SGSH: variants seen among roughly 807,000 people sequenced by gnomAD.
SGSH encodes the protein N-sulfoglucosamine sulfohydrolase, also known as heparan sulfate sulfatase.
SGSH carries 48 observed loss-of-function variants against 51.0 expected under a neutral mutation model. The observed-to-expected ratio is 0.94, with a 90% confidence interval of 0.75 to 1.20. SGSH has a LOEUF of 1.20. Ranked by LOEUF, SGSH falls within the 50% of genes most tolerant of loss-of-function variation. SGSH has a pLI of 0.00. For missense variants in SGSH, 662 were observed against 717.8 expected, an observed-to-expected ratio of 0.92 and a Z score of 0.89; for synonymous variants, 321 against 313.4, an observed-to-expected ratio of 1.02 and a Z score of -0.26.
rs2144736338 is a variant in SGSH, at chr17:80,213,877, G to A, written c.672C>T (p.Tyr224=). Residue 224 remains tyrosine (Y), a synonymous_variant, in exon 6 of 8, where the codon TAC becomes TAT. Coordinates refer to ENST00000326317, the MANE Select transcript of SGSH (RefSeq NM_000199.5). The surrounding 1 kb of genome is among the most constrained non-coding windows in gnomAD (Gnocchi z 4.6). ...GGGCTGCCGGGGTGTTGGGGACGAA[G>A]TAAGGCACCTGGGGCAGGCGGTGGG... ...AYDPLDVLVP[Y]FVPNTPAARA... is the part of the protein sequence containing the mutation. 6.2e-7 allele frequency: 1 copy of A among 1,607,940 alleles called. No individual in the cohort carries two copies. The highest frequency in any genetic ancestry group is 1.1e-5 in the South Asian group (1 of 90,262).
intron 2 of SGSH, among the ~76,000 whole-genome samples, chr17:80,216,024 G>C (rs545709744): frequency 6.6e-6 from 1 of 151,132 alleles, no homozygotes; most frequent in Non-Finnish European, 1.5e-5. Flanking sequence ...ATTGTGCTGA[G>C]TGAAGTAAGG....
rs1479456289 is a variant in SGSH at position 80,215,121 on chromosome 17, G to T, written c.267C>A (p.Tyr89Ter). The T allele has an allele frequency of 1.9e-6, 3 of 1,611,180 alleles. No homozygotes were observed. Among genetic ancestry groups the T allele is most frequent in the Middle Eastern group, 1.6e-4 (1 of 6,062 alleles). ...AGTGGTGCACGTCCTGGTGCAGCCCGTACATCCCATTCTGATGCTGCCAGC... is the reference window on the plus strand; with the variant it reads ...AGTGGTGCACGTCCTGGTGCAGCCCTTACATCCCATTCTGATGCTGCCAGC... Reference protein sequence around the residue: ...TGLPQHQNGMYGLHQDVHHFN... With the variant: ...TGLPQHQNGM The change falls in exon 3 of 8, where the codon TAC becomes TAA. Residue 89 changes from tyrosine (Y) to a stop codon, truncating the protein, a stop_gained. Transcript: ENST00000326317. LOFTEE classifies it high-confidence loss of function.
downstream of SGSH, chr17:80,205,658 G>A: frequency 6.7e-7 from 1 of 1,497,156 alleles, no homozygotes; most frequent in African/African-American, 1.4e-5. Flanking sequence ...AAAAGGTGAG[G>A]TCAAGGGCGG....
Position 80,214,654 on chromosome 17 carries a change from T to C in SGSH, c.467A>G (p.Lys156Arg). The C allele has an allele frequency of 6.2e-7, 1 of 1,613,480 alleles. No homozygotes were observed. The highest frequency in any genetic ancestry group is 8.5e-7 in the Non-Finnish European group (1 of 1,180,014). ...CTGCAGGAATTTCCGGACGAGCAGC[T>C]TAATTCTAGTGATGTTCCGCCCCAC... Reference protein sequence around the residue: ...LQVGRNITRIKLLVRKFLQTQ... With the variant: ...LQVGRNITRIRLLVRKFLQTQ... The change falls in exon 4 of 8, where the codon AAG becomes AGG. Residue 156 changes from lysine (K) to arginine (R), a missense_variant. Physicochemically the swap from Lys to Arg is conservative, Grantham distance 26. Coordinates refer to ENST00000326317, the MANE Select transcript of SGSH (RefSeq NM_000199.5).
chr17:80,209,357 A>AC lies in SGSH; in HGVS notation c.*1094dup. On this transcript the variant is annotated 3_prime_UTR_variant, in exon 8 of 8. Coordinates refer to ENST00000326317, the MANE Select transcript of SGSH (RefSeq NM_000199.5). ...GCTGGCCTGTGGCCTCCTCCAGCCC[A>AC]CCCCAGTATGGAGTGATAGGGAGGG... 1.0e-6 allele frequency: 1 copy of AC among 985,318 alleles called. No individual in the cohort carries two copies. Among genetic ancestry groups the AC allele is most frequent in the Non-Finnish European group, 1.2e-6 (1 of 829,900 alleles). The allele number at this position is 985,318 out of a possible 1,614,324, so 61.0% of individuals were successfully genotyped here. A position where few individuals can be genotyped will look rare whatever the true frequency, so the allele number is the denominator to read the frequency against.
downstream of SGSH, chr17:80,205,117 C>CCGGCCT (rs1346719360): frequency 1.2e-6 from 2 of 1,613,526 alleles, no homozygotes; most frequent in African/African-American, 2.7e-5. Context: ...CCGCCCGGCC[C>CCGGCCT]CGGCCTGTGC....
chr17:80,209,604 G>C lies in SGSH; in HGVS notation c.*848C>G, dbSNP rs709677. The C allele has an allele frequency of 0.66, 607,404 of 924,552 alleles. 199,913 individuals are homozygous for C. The highest frequency in any genetic ancestry group is 0.76 in the African/African-American group (35,068 of 45,878). 57.3% of individuals were successfully genotyped at this position (924,552 alleles called of 1,614,324 possible). On this transcript the variant is annotated 3_prime_UTR_variant, in exon 8 of 8. Transcript: ENST00000326317. ...AGTGTCACCGAAGAATTAACCCAAG[G>C]CAGAGGATGGGCATTGCCACCCAGC...
Position 80,214,337 on chromosome 17 carries a change from GA to G in SGSH, c.507-10del, listed in dbSNP as rs756440573. The G allele has an allele frequency of 6.2e-7, 1 of 1,610,922 alleles. No individual in the cohort carries two copies. Among genetic ancestry groups the G allele is most frequent in the East Asian group, 2.2e-5 (1 of 44,822 alleles). On this transcript the variant is annotated splice_polypyrimidine_tract_variant and intron_variant, in intron 4 of 7. Transcript: ENST00000326317. ...CGTAGAGGAAGAAAGGCCTGCACGG[GA>G]GGAGGCTCATTGCCAAGGCTGCGGG... is the stretch of plus-strand genomic sequence containing the variant.
rs771786259 is a variant in SGSH, at chr17:80,212,052, GAGAC to G, written c.949+15_949+18del. On this transcript the variant is annotated intron_variant, in intron 7 of 7. Transcript: ENST00000326317. This position sits in a 1 kb window ranked among gnomAD's most constrained non-coding sequence, Gnocchi z 5.9. ...ATCCACTCCCACACCTTTCCTGACGGAGACAGACAAAGGCATACCTAGGAGGCTC... is the reference window on the plus strand; with the variant it reads ...ATCCACTCCCACACCTTTCCTGACGGAGACAAAGGCATACCTAGGAGGCTC... The G allele has an allele frequency of 5.6e-6, 9 of 1,609,238 alleles. No homozygotes were observed. The Admixed American group carries it at 1.2e-4, about 21-fold the overall frequency.
downstream of SGSH, chr17:80,205,856 A>G (rs768867012): frequency 1.6e-5 from 8 of 485,266 alleles, no homozygotes; most frequent in African/African-American, 6.0e-5. Flanking sequence ...AGGTCTCCCA[A>G]CTCCTTGAAT....
chr17:80,215,066 G>A lies in SGSH; in HGVS notation c.322C>T (p.Pro108Ser). 1 of 1,611,868 alleles carries A rather than the reference G, an allele frequency of 6.2e-7. No homozygotes were observed. The highest frequency in any genetic ancestry group is 8.5e-7 in the Non-Finnish European group (1 of 1,179,842). ...ACACCAGCTTGGCTGAGCAGCAGCG[G>A]CAGGCTCCGCACCTTGTCGAAGGAG... ...FNSFDKVRSL[P>S]LLLSQAGVRT... Residue 108 changes from proline (P) to serine (S), a missense_variant, in exon 3 of 8, where the codon CCG (proline) becomes TCG (serine). Coordinates refer to ENST00000326317, the MANE Select transcript of SGSH (RefSeq NM_000199.5).
In SGSH at chr17:80,217,098, G is replaced by A. The variant is rs561475181; in HGVS notation, c.183C>T (p.Arg61=). Residue 61 remains arginine, a synonymous_variant, in exon 2 of 8, where the codon CGC becomes CGT. Coordinates refer to ENST00000326317, the MANE Select transcript of SGSH (RefSeq NM_000199.5). The stretch of plus-strand genomic sequence containing the variant: ...AGCTGCTGACCGAGGTGAAGGCATT[G>A]CGAAAGAGGAGGCTGCGGCGGGCCA... ...DALARRSLLF[R]NAFTSVSSCS... The A allele has an allele frequency of 4.4e-6, 7 of 1,604,778 alleles. No homozygotes were observed. The South Asian group carries it at 5.6e-5, about 13-fold the overall frequency.
chr17:80,214,031 C>T (rs769656022), intron 5 of SGSH, 141 bp downstream of exon 5: 2 of 1,335,636 alleles, frequency 1.5e-6, no homozygotes, highest in South Asian at 2.5e-5. Context: ...CTCTCTGTGG[C>T]CCCGAGGTTG....
chr17:80,213,198 A>C lies in SGSH; in HGVS notation c.745+606T>G, dbSNP rs1455229332. The C allele has an allele frequency of 4.6e-5, 7 of 152,232 alleles. No homozygotes were observed. The highest frequency in any genetic ancestry group is 8.8e-5 in the Non-Finnish European group (6 of 68,204). 9.4% of individuals were successfully genotyped at this position (152,232 alleles called of 1,614,324 possible). A position where few individuals can be genotyped will look rare whatever the true frequency, so the allele number is the denominator to read the frequency against. ...GACAGAGCAAGACTCAGTCTCAAAA[A>C]AAAAAAAAAAGAAGAAGTGGAGACA... On this transcript the variant is annotated intron_variant, in intron 6 of 7. Transcript: ENST00000326317. The surrounding 1 kb of genome is among the most constrained non-coding windows in gnomAD (Gnocchi z 4.6).
chr17:80,208,305 A>C (rs767476798), downstream of SGSH: 5 of 1,605,794 alleles, frequency 3.1e-6, no homozygotes, highest in Non-Finnish European at 4.2e-6. Context: ...ATCGCCGACG[A>C]GCAGAAGAAG....
At chr17:80,208,145 C>T (rs1349104273), downstream of SGSH, 3 of 1,542,394 alleles carry the variant, frequency 1.9e-6, no homozygotes, top group South Asian at 3.6e-5. Context: ...CAGGAAGGGC[C>T]TACAGCGGTT....
downstream of SGSH, chr17:80,202,525 G>A (rs1434842764): frequency 1.7e-5 from 26 of 1,508,126 alleles, no homozygotes; most frequent in East Asian, 1.2e-4. Flanking sequence ...GAGGGTGGGC[G>A]TGGTGAGACC....
downstream of SGSH, chr17:80,202,661 G>T: frequency 7.5e-7 from 1 of 1,341,420 alleles, no homozygotes; most frequent in South Asian, 1.6e-5. Context: ...TTAGCTCTGG[G>T]TTTCTTAGCT....
At position 80,214,941 on chromosome 17, in the gene SGSH, A is replaced by G. The variant is rs900372393; in HGVS notation, c.355+92T>C. The G allele has an allele frequency of 1.1e-5, 14 of 1,310,478 alleles. No homozygotes were observed. The Admixed American group carries it at 2.6e-4, about 24-fold the overall frequency. The allele number at this position is 1,310,478 out of a possible 1,614,324, so 81.2% of individuals were successfully genotyped here. A position where few individuals can be genotyped will look rare whatever the true frequency, so the allele number is the denominator to read the frequency against. ...AGCTAAGGGCAGGCCACGGGGGCTGAGCGTGCCTTGGTACAAGGTGCCGAA... is the reference window on the plus strand; with the variant it reads ...AGCTAAGGGCAGGCCACGGGGGCTGGGCGTGCCTTGGTACAAGGTGCCGAA... On this transcript the variant is annotated intron_variant, in intron 3 of 7. Coordinates refer to ENST00000326317, the MANE Select transcript of SGSH (RefSeq NM_000199.5).
Sources: gnomAD v4.1 joint callset for allele counts (sites outside exome capture counted in the v4.1 genomes callset) on GRCh38, gnomAD v4.1.1 for gene constraint, Gnocchi (gnomAD v3.1) non-coding constraint, MANE v1.5 for transcripts, NCBI Gene and HGNC (gene_info 2026-07-23, HGNC 2026-07-21) for gene names.